RBM34: variants seen among roughly 807,000 people sequenced by gnomAD.
The protein encoded by RBM34 is RNA binding motif protein 34.
Under a neutral mutation model 44.6 loss-of-function variants are expected in RBM34, and 39 were observed. That is an observed-to-expected ratio of 0.87 (90% CI 0.68 to 1.14). The LOEUF is 1.14. RBM34 is among the 50% of genes most tolerant of loss of function. The pLI, the probability that RBM34 is intolerant of heterozygous loss-of-function variation, is 0.00. For missense variants in RBM34, 572 were observed against 517.9 expected, an observed-to-expected ratio of 1.10 and a Z score of -1.01; for synonymous variants, 194 against 184.0, an observed-to-expected ratio of 1.05 and a Z score of -0.44.
intron 3 of RBM34, among the ~76,000 whole-genome samples, chr1:235,159,407 G>T (rs1662594095): frequency 6.6e-6 from 1 of 151,690 alleles, no homozygotes; most frequent in Non-Finnish European, 1.5e-5. Flanking sequence ...AAAATCAGCT[G>T]GGTGTGATGG....
chr1:235,160,449 A>C, intron 3 of RBM34, 62 bp downstream of exon 3: 1 of 1,515,592 alleles, frequency 6.6e-7, no homozygotes, highest in Non-Finnish European at 9.1e-7. Context: ...GAATATTCCA[A>C]GTATAGGAAT....
intron 6 of RBM34, among the ~76,000 whole-genome samples, chr1:235,138,521 G>A (rs111968038): frequency 2.6e-5 from 4 of 152,086 alleles, no homozygotes; most frequent in African/African-American, 4.8e-5. Flanking sequence ...TGTGAAAGAC[G>A]TGAGTTTTCC....
chr1:235,156,388 C>A (rs769015073), intron 3 of RBM34, among the ~76,000 whole-genome samples: 15 of 152,160 alleles, frequency 9.9e-5, no homozygotes, highest in Non-Finnish European at 2.2e-4. Flanking sequence ...AGCTGATTCA[C>A]TTAAAGCTCT....
chr1:235,153,032 G>C (rs2102855631), intron 4 of RBM34, among the ~76,000 whole-genome samples: 1 of 152,182 alleles, frequency 6.6e-6, no homozygotes, highest in East Asian at 1.9e-4. Context: ...ACCATGCTCA[G>C]CTAATTTTCG....
rs1469515256 is a variant in RBM34, at chr1:235,138,142, T to C, written c.734A>G (p.Asn245Ser). 1 of 1,604,334 alleles carries C rather than the reference T, an allele frequency of 6.2e-7. No individual in the cohort carries two copies. Residue 245 changes from asparagine to serine, a missense_variant, in exon 7 of 11, where the codon AAT (asparagine) becomes AGT (serine). Coordinates refer to ENST00000408888, the MANE Select transcript of RBM34 (RefSeq NM_015014.4). ...RKIHPDQKNINAYVVFKEESA... is the reference protein window; with the variant it reads ...RKIHPDQKNISAYVVFKEESA... The stretch of plus-strand genomic sequence containing the variant: ...CTCCTCCTTAAACACAACATAGGCA[T>C]TAATATTTTTCTGATCAGGATGAAT...
intron 10 of RBM34, among the ~76,000 whole-genome samples, chr1:235,134,804 G>C (rs1194172211): frequency 6.6e-6 from 1 of 150,856 alleles, no homozygotes; most frequent in East Asian, 1.9e-4. Context: ...GAGTGCAATG[G>C]AGCAATCTCG....
At position 235,154,953 on chromosome 1, in the gene RBM34, G is replaced by T; in HGVS notation, c.525C>A (p.Asn175Lys). The change falls in exon 4 of 11, where the codon AAC (asparagine) becomes AAA (lysine). Residue 175 changes from asparagine to lysine, a missense_variant. Physicochemically the swap from Asn to Lys is moderately conservative, Grantham distance 94. Transcript: ENST00000408888. ...VVSQRKKIQINQEEERLKNER... is the reference protein window; with the variant it reads ...VVSQRKKIQIKQEEERLKNER... ...CATTCTTTAATCTCTCTTCTTCTTG[G>T]TTGATTTGAATTTTCTTTCTTTGAC... The T allele has an allele frequency of 6.2e-7, 1 of 1,613,958 alleles. No individual in the cohort carries two copies. Among genetic ancestry groups the T allele is most frequent in the Non-Finnish European group, 8.5e-7 (1 of 1,179,976 alleles).
chr1:235,158,965 A>AC (rs1156708172), intron 3 of RBM34, among the ~76,000 whole-genome samples: 1 of 145,344 alleles, frequency 6.9e-6, no homozygotes, highest in African/African-American at 2.5e-5. Flanking sequence ...TTTTTTACTA[A>AC]AAAAAAAAAA....
chr1:235,133,905 T>C (rs1307462214), intron 10 of RBM34, among the ~76,000 whole-genome samples: 3 of 152,114 alleles, frequency 2.0e-5, no homozygotes, highest in Non-Finnish European at 4.4e-5. Flanking sequence ...CTCTGTCAGT[T>C]CGGCTGGAGT....
At chr1:235,138,038 T>C in intron 7 of RBM34, 53 bp downstream of exon 7, 2 of 1,542,334 alleles carry the variant, frequency 1.3e-6, no homozygotes, top group Non-Finnish European at 1.8e-6. Flanking sequence ...AAAAAAGTAC[T>C]CATACATACT....
At chr1:235,135,284 A>G (rs1394432729) in intron 10 of RBM34, among the ~76,000 whole-genome samples, 1 of 149,872 alleles carries the variant, frequency 6.7e-6, no homozygotes, top group Non-Finnish European at 1.5e-5. Context: ...GCTGGAGTGC[A>G]GTGGCACGAT....
intron 6 of RBM34, among the ~76,000 whole-genome samples, chr1:235,138,388 C>G (rs929420037): frequency 3.9e-5 from 6 of 152,342 alleles, no homozygotes; most frequent in Middle Eastern, 3.4e-3. Flanking sequence ...ACAACCCATA[C>G]TTTCTTAGGA....
At chr1:235,147,281 G>A (rs1321005119) in intron 6 of RBM34, among the ~76,000 whole-genome samples, 1 of 152,092 alleles carries the variant, frequency 6.6e-6, no homozygotes, top group African/African-American at 2.4e-5. Flanking sequence ...AGATGGGGCT[G>A]GAGGAGAAGC....
At chr1:235,138,230 G>A in intron 6 of RBM34, 56 bp from the exon 7 acceptor site, 1 of 1,420,350 alleles carries the variant, frequency 7.0e-7, no homozygotes, top group Non-Finnish European at 9.6e-7. Context: ...AAATTTCTTA[G>A]CCTCAAAGTC....
chr1:235,148,322 C>A, intron 6 of RBM34, 82 bp downstream of exon 6: 2 of 1,010,946 alleles, frequency 2.0e-6, no homozygotes, highest in South Asian at 1.7e-5. Flanking sequence ...AAAATCTATG[C>A]AATTGTTAAG....
rs369556503 is a variant in RBM34 at position 235,155,072 on chromosome 1, G to A, written c.406C>T (p.His136Tyr). The change falls in exon 4 of 11, where the codon CAC becomes TAC. Residue 136 changes from histidine to tyrosine, a missense_variant. Coordinates refer to ENST00000408888, the MANE Select transcript of RBM34 (RefSeq NM_015014.4). ...TTCCTTTTCTGCCCTTGTTTCTGGT[G>A]AATTTCTTCTTCTAAATCAGCACTC... ...LASADLEEEI[H>Y]QKQGQKRKNS... The A allele has an allele frequency of 3.7e-6, 6 of 1,613,704 alleles. No individual in the cohort carries two copies. The Admixed American group carries it at 1.0e-4, about 27-fold the overall frequency.
intron 3 of RBM34, among the ~76,000 whole-genome samples, chr1:235,159,813 G>T (rs922817243): frequency 6.7e-6 from 1 of 148,860 alleles, no homozygotes; most frequent in Non-Finnish European, 1.5e-5. Context: ...AGGTTGCAGT[G>T]AGCTGAGATC....
chr1:235,132,107 A>G (rs1458578755), intron 10 of RBM34, 110 bp from the exon 11 acceptor site: 6 of 1,006,914 alleles, frequency 6.0e-6, no homozygotes, highest in Non-Finnish European at 7.1e-6. Flanking sequence ...TGCACAGATA[A>G]GCCCCATCCA....
intron 4 of RBM34, among the ~76,000 whole-genome samples, chr1:235,154,065 T>C (rs1332794770): frequency 2.6e-5 from 4 of 151,708 alleles, no homozygotes; most frequent in Admixed American, 2.0e-4. Flanking sequence ...GCTAGCACAG[T>C]GAAACCCCGT....
Sources: allele counts gnomAD v4.1 joint callset (sites outside exome capture counted in the v4.1 genomes callset), GRCh38; gene constraint gnomAD v4.1.1; transcripts MANE v1.5; gene names NCBI Gene and HGNC (gene_info 2026-07-23, HGNC 2026-07-21).